The following RXRA variants were observed in gnomAD, a reference collection of about 807,000 sequenced individuals.
The protein encoded by RXRA is retinoic acid receptor RXR-alpha.
Under a neutral mutation model 44.5 loss-of-function variants are expected in RXRA, and 5 were observed. The observed-to-expected ratio is 0.11, with a 90% confidence interval of 0.06 to 0.24. The LOEUF (loss-of-function observed/expected upper bound fraction) is 0.24. RXRA is among the 10% of genes least tolerant of loss of function. The pLI, the probability that RXRA is intolerant of heterozygous loss-of-function variation, is 1.00. For missense variants in RXRA, 412 were observed against 646.5 expected, an observed-to-expected ratio of 0.64 and a Z score of 3.93; for synonymous variants, 291 against 271.4, an observed-to-expected ratio of 1.07 and a Z score of -0.71.
In RXRA at chr9:134,436,910, A is replaced by C. The variant is rs1831632544; in HGVS notation, c.*296A>C. 2 of 390,306 alleles carry C rather than the reference A, an allele frequency of 5.1e-6. No individual in the cohort carries two copies. Among genetic ancestry groups the C allele is most frequent in the East Asian group, 4.9e-5 (1 of 20,378 alleles). 24.2% of individuals were successfully genotyped at this position (390,306 alleles called of 1,614,324 possible). A position where few individuals can be genotyped will look rare whatever the true frequency, so the allele number is the denominator to read the frequency against. On this transcript the variant is annotated 3_prime_UTR_variant, in exon 10 of 10. Coordinates refer to ENST00000481739, the MANE Select transcript of RXRA (RefSeq NM_002957.6). ...CTCTCAGGACACCCTGCCACACCCC[A>C]CGGGGCTTGGGCGACTACAGGGTCT...
At chr9:134,333,002 C>G (rs1835029599) in intron 1 of RXRA, among the ~76,000 whole-genome samples, 1 of 152,150 alleles carries the variant, frequency 6.6e-6, no homozygotes, top group Non-Finnish European at 1.5e-5. Context: ...GGCACCTTTT[C>G]CCTGGCCCTG....
intron 1 of RXRA, among the ~76,000 whole-genome samples, chr9:134,344,228 C>T (rs1203650034): frequency 1.3e-5 from 2 of 152,080 alleles, no homozygotes; most frequent in South Asian, 2.1e-4. Context: ...CCCTTTTTCC[C>T]AGCCTCCTCT....
In RXRA at chr9:134,401,920, C is replaced by T. The variant is rs1421527622; in HGVS notation, c.279+38C>T. On this transcript the variant is annotated intron_variant, in intron 2 of 9. Coordinates refer to ENST00000481739, the MANE Select transcript of RXRA (RefSeq NM_002957.6). ...CTGGGGCAAGGGGAGGGGGTGGGGCCTGGGGTGGGGCTGTGGCTTCAACTG... is the reference window on the plus strand; with the variant it reads ...CTGGGGCAAGGGGAGGGGGTGGGGCTTGGGGTGGGGCTGTGGCTTCAACTG... 5 of 1,479,256 alleles carry T rather than the reference C, an allele frequency of 3.4e-6. No individual in the cohort carries two copies. The African/African-American group carries it at 4.2e-5, about 12-fold the overall frequency. 91.6% of individuals were successfully genotyped at this position (1,479,256 alleles called of 1,614,324 possible).
At chr9:134,357,084 C>T (rs902782637) in intron 1 of RXRA, among the ~76,000 whole-genome samples, 1 of 151,122 alleles carries the variant, frequency 6.6e-6, no homozygotes, top group Non-Finnish European at 1.5e-5. Flanking sequence ...CACCCCCAAA[C>T]CCACCCAGCC....
intron 1 of RXRA, among the ~76,000 whole-genome samples, chr9:134,374,963 A>T (rs1253975610): frequency 1.3e-5 from 2 of 152,148 alleles, no homozygotes; most frequent in Admixed American, 6.5e-5. Context: ...GTCACAATGG[A>T]GTGGCCATGG....
chr9:134,368,320 C>T (rs1053566175), intron 1 of RXRA, among the ~76,000 whole-genome samples: 1 of 152,224 alleles, frequency 6.6e-6, no homozygotes. Context: ...GGCTTGAGGC[C>T]CCCTTGGGAA....
rs908541671 is a variant in RXRA, at chr9:134,349,500, C to T, written c.28+22841C>T. The stretch of plus-strand genomic sequence containing the variant: ...GCTGCCACACCTGGCAGTGGTGCTG[C>T]GGGGGTGGCTCGGCCCTGAAGCTCG... On this transcript the variant is annotated intron_variant, in intron 1 of 9. Coordinates refer to ENST00000481739, the MANE Select transcript of RXRA (RefSeq NM_002957.6). The surrounding 1 kb of genome is among the most constrained non-coding windows in gnomAD (Gnocchi z 4.3). Among the ~76,000 whole-genome samples, 2 of 152,100 alleles carry T rather than the reference C, an allele frequency of 1.3e-5. No individual in the cohort carries two copies. The highest frequency in any genetic ancestry group is 2.4e-5 in the African/African-American group (1 of 41,396).
chr9:134,423,438 C>G (rs542682388), intron 6 of RXRA: 1 of 985,476 alleles, frequency 1.0e-6, no homozygotes, highest in Non-Finnish European at 1.2e-6. Context: ...AAGACACAGC[C>G]AGAGACGGGC....
Position 134,439,786 on chromosome 9 carries a change from A to G in RXRA, c.*3172A>G, listed in dbSNP as rs1831699669. 6.6e-6 allele frequency: 1 copy of G among 152,270 alleles called. No homozygotes were observed. The highest frequency in any genetic ancestry group is 1.5e-5 in the Non-Finnish European group (1 of 68,044). The allele number at this position is 152,270 out of a possible 1,614,324, so 9.4% of individuals were successfully genotyped here. A position where few individuals can be genotyped will look rare whatever the true frequency, so the allele number is the denominator to read the frequency against. On this transcript the variant is annotated 3_prime_UTR_variant, in exon 10 of 10. Transcript: ENST00000481739. Reference sequence around the variant, plus strand: ...AGAGAGCCGCACACCAGCGCCACCCAGGAAAGGCGGAGCGGTTACCAGTGT... The same window carrying G: ...AGAGAGCCGCACACCAGCGCCACCCGGGAAAGGCGGAGCGGTTACCAGTGT...
At chr9:134,401,415 T>C in intron 1 of RXRA, 3 of 684,854 alleles carry the variant, frequency 4.4e-6, no homozygotes, top group Non-Finnish European at 4.9e-6. Flanking sequence ...AAAGCCGGGG[T>C]CAGGCGCAGA....
intron 1 of RXRA, among the ~76,000 whole-genome samples, chr9:134,339,517 G>T (rs1384026287): frequency 6.7e-6 from 1 of 149,488 alleles, no homozygotes; most frequent in African/African-American, 2.5e-5. Context: ...GTGTGAGTCT[G>T]TGTGTGTGTG....
chr9:134,397,493 G>A (rs759594641), intron 1 of RXRA, among the ~76,000 whole-genome samples: 17 of 151,734 alleles, frequency 1.1e-4, no homozygotes, highest in Non-Finnish European at 2.2e-4. Flanking sequence ...TTTGTGCCAA[G>A]GGAGTGATCA....
chr9:134,377,251 G>A (rs756758054), intron 1 of RXRA, among the ~76,000 whole-genome samples: 2 of 152,214 alleles, frequency 1.3e-5, no homozygotes, highest in Non-Finnish European at 2.9e-5. Flanking sequence ...GCCAGCCCCA[G>A]GGGTGTTGGG....
chr9:134,335,029 G>C (rs1829975177), intron 1 of RXRA, among the ~76,000 whole-genome samples: 1 of 152,166 alleles, frequency 6.6e-6, no homozygotes, highest in African/African-American at 2.4e-5. Flanking sequence ...CTCAAGGCCA[G>C]GCTAGTCCTT....
chr9:134,370,759 C>T (rs578128472), intron 1 of RXRA, among the ~76,000 whole-genome samples: 46 of 152,262 alleles, frequency 3.0e-4, no homozygotes, highest in Admixed American at 6.5e-4. Flanking sequence ...GTGGCGGCGC[C>T]GGGTGGGCCT....
chr9:134,389,480 G>A (rs1425148950), intron 1 of RXRA, among the ~76,000 whole-genome samples: 2 of 151,550 alleles, frequency 1.3e-5, no homozygotes, highest in Non-Finnish European at 2.9e-5. Context: ...TGGGACAGCA[G>A]AGGGCTAGCC....
chr9:134,346,725 ACTGT>A (rs1830157530), intron 1 of RXRA, among the ~76,000 whole-genome samples: 1 of 152,202 alleles, frequency 6.6e-6, no homozygotes, highest in African/African-American at 2.4e-5. Context: ...CCTTCACCCC[ACTGT>A]CTGCTCGCAC....
In RXRA at chr9:134,409,138, TG is replaced by T; in HGVS notation, c.610+24del. 6.5e-7 allele frequency: 1 copy of T among 1,528,624 alleles called. No individual in the cohort carries two copies. The highest frequency in any genetic ancestry group is 8.8e-7 in the Non-Finnish European group (1 of 1,135,272). 94.7% of individuals were successfully genotyped at this position (1,528,624 alleles called of 1,614,324 possible). ...CGGGAAGGTAGGCCACGGCGTCGGG[TG>T]GGGGCGCGGGCAGGTGTTGGACAAA... On this transcript the variant is annotated intron_variant, in intron 4 of 9. Transcript: ENST00000481739.
intron 2 of RXRA, among the ~76,000 whole-genome samples, chr9:134,406,710 C>T (rs572320176): frequency 2.0e-5 from 3 of 152,344 alleles, no homozygotes; most frequent in Middle Eastern, 3.4e-3. Context: ...GCTTCACTTT[C>T]GCCTTCTGCA....
Sources: gnomAD v4.1 joint callset for allele counts (sites outside exome capture counted in the v4.1 genomes callset) on GRCh38, gnomAD v4.1.1 for gene constraint, Gnocchi (gnomAD v3.1) non-coding constraint, MANE v1.5 for transcripts, NCBI Gene and HGNC (gene_info 2026-07-23, HGNC 2026-07-21) for gene names.